Variants in AFF3 observed in about 807,000 individuals in gnomAD.
AFF3 encodes the protein ALF transcription elongation factor 3, also known as AF4/FMR2 family member 3.
AFF3 carries 32 observed loss-of-function variants against 129.7 expected under a neutral mutation model. The ratio of observed to expected loss-of-function variants is 0.25; its 90% CI spans 0.19 to 0.33. The LOEUF is 0.33. Among genes scored for constraint, AFF3 ranks in the 10% least tolerant of loss-of-function variants. The probability of loss-of-function intolerance (pLI) is 1.00; values close to 1 mark genes in which losing one functional copy is unlikely to be tolerated. For synonymous variants in AFF3, 644 were observed against 635.4 expected (o/e 1.01, Z -0.20); for missense variants, 1,373 against 1,592.0 (o/e 0.86, Z 2.34).
At chr2:99,688,323 A>C (rs1675273990) in intron 11 of AFF3, among the ~76,000 whole-genome samples, 1 of 152,322 alleles carries the variant, frequency 6.6e-6, no homozygotes, top group Admixed American at 6.5e-5. Context: ...GATGGACACA[A>C]ATCAAAGGCT....
chr2:99,872,594 AAAAATAAAATAAAATAAAAT>A (rs369133072), intron 7 of AFF3, among the ~76,000 whole-genome samples: 2 of 127,610 alleles, frequency 1.6e-5, no homozygotes, highest in African/African-American at 6.1e-5. Context: ...TGCTTCTTAC[AAAAATAAAATAAAATAAAAT>A]AAAATAAAAT....
At chr2:99,773,351 A>T (rs1683639550) in intron 8 of AFF3, among the ~76,000 whole-genome samples, 2 of 152,360 alleles carry the variant, frequency 1.3e-5, no homozygotes, top group Non-Finnish European at 2.9e-5. Context: ...AGGTAGGATA[A>T]GACAATGAGA....
chr2:99,593,454 T>C lies in AFF3; in HGVS notation c.2207A>G (p.Lys736Arg). ...TGTGTAGAACTGCTCCTCCAGCTCC[T>C]TGGCGATGTCACTGGTGGTCCTGGC... is the stretch of plus-strand genomic sequence containing the variant. Reference protein sequence around the residue: ...INARTTSDIAKELEEQFYTLV... With the variant: ...INARTTSDIARELEEQFYTLV... Residue 736 changes from lysine to arginine, a missense_variant, in exon 15 of 25, where the codon AAG becomes AGG. Transcript: ENST00000672756. The C allele has an allele frequency of 6.2e-7, 1 of 1,614,014 alleles. No homozygotes were observed. The highest frequency in any genetic ancestry group is 8.5e-7 in the Non-Finnish European group (1 of 1,180,016).
At chr2:99,906,184 C>T (rs1168200311) in intron 7 of AFF3, among the ~76,000 whole-genome samples, 2 of 152,208 alleles carry the variant, frequency 1.3e-5, no homozygotes, top group Non-Finnish European at 2.9e-5. Context: ...CAAACCATAA[C>T]TACCTTTGAC....
chr2:99,781,137 T>C (rs1223100047), intron 8 of AFF3, among the ~76,000 whole-genome samples: 1 of 152,132 alleles, frequency 6.6e-6, no homozygotes, highest in Non-Finnish European at 1.5e-5. Context: ...ACCAAACAGG[T>C]TCCTGCCTCA....
At chr2:99,926,902 C>T (rs1327347079) in intron 7 of AFF3, among the ~76,000 whole-genome samples, 2 of 151,924 alleles carry the variant, frequency 1.3e-5, no homozygotes, top group Non-Finnish European at 2.9e-5. Context: ...GGATTTTGCC[C>T]CCAAATGTAA....
intron 7 of AFF3, among the ~76,000 whole-genome samples, chr2:99,950,935 C>T (rs1459074423): frequency 6.6e-6 from 1 of 152,210 alleles, no homozygotes; most frequent in Non-Finnish European, 1.5e-5. Flanking sequence ...TGCCTGTGTG[C>T]ACACACATAC....
chr2:99,631,374 C>G (rs996008586), intron 13 of AFF3, among the ~76,000 whole-genome samples: 5 of 152,192 alleles, frequency 3.3e-5, no homozygotes, highest in Admixed American at 1.3e-4. Context: ...ACCATTTTAA[C>G]CAATTTTAAG....
rs556442126 is a variant in AFF3, at chr2:99,831,678, T to G, written c.921+5799A>C. Among the ~76,000 whole-genome samples, 6 of 152,322 alleles carry G rather than the reference T, an allele frequency of 3.9e-5. No homozygotes were observed. The South Asian group carries it at 1.0e-3, about 26-fold the overall frequency. ...TATGTGATTCACATTTAAGCCCTTA[T>G]TTTTTGAAAATGCTCACTAAAATAT... On this transcript the variant is annotated intron_variant, in intron 8 of 24. Coordinates refer to ENST00000672756, the MANE Select transcript of AFF3 (RefSeq NM_001386135.1).
intron 8 of AFF3, among the ~76,000 whole-genome samples, chr2:99,784,329 C>T (rs895561164): frequency 1.6e-4 from 25 of 152,180 alleles, no homozygotes; most frequent in Non-Finnish European, 3.4e-4. Flanking sequence ...TGGGTTGTTG[C>T]GGAGCATGTG....
At chr2:99,647,494 G>A (rs1186191675) in intron 13 of AFF3, among the ~76,000 whole-genome samples, 1 of 152,172 alleles carries the variant, frequency 6.6e-6, no homozygotes, top group Non-Finnish European at 1.5e-5. Context: ...TGAGGTGTCA[G>A]GGGAGGGATA....
In AFF3 at chr2:99,551,086, T is replaced by TA. The variant is rs1674368757; in HGVS notation, c.*387dup. On this transcript the variant is annotated 3_prime_UTR_variant, in exon 25 of 25. Transcript: ENST00000672756. ...CCCATGAGATTTTGGTTGAATTTTCTAAGAAGTCACGGTTTAGCACTGGAA... is the reference window on the plus strand; with the variant it reads ...CCCATGAGATTTTGGTTGAATTTTCTAAAGAAGTCACGGTTTAGCACTGGAA... The TA allele has an allele frequency of 2.4e-6, 1 of 420,440 alleles. No homozygotes were observed. The allele number at this position is 420,440 out of a possible 1,614,324, so 26.0% of individuals were successfully genotyped here. A position where few individuals can be genotyped will look rare whatever the true frequency, so the allele number is the denominator to read the frequency against.
chr2:99,994,074 G>A (rs1225268262), intron 7 of AFF3, among the ~76,000 whole-genome samples: 4 of 151,708 alleles, frequency 2.6e-5, no homozygotes, highest in East Asian at 1.9e-4. Flanking sequence ...CCAAAGTGCC[G>A]GGATTACAGG....
chr2:100,059,380 T>A (rs966033277), intron 4 of AFF3, among the ~76,000 whole-genome samples: 1 of 144,042 alleles, frequency 6.9e-6, no homozygotes, highest in Non-Finnish European at 1.5e-5. Flanking sequence ...GAAATGCAAA[T>A]CAAAACCACA....
At chr2:99,561,164 G>C (rs1675434191) in intron 20 of AFF3, among the ~76,000 whole-genome samples, 1 of 152,200 alleles carries the variant, frequency 6.6e-6, no homozygotes, top group African/African-American at 2.4e-5. Context: ...TTAGACAAAT[G>C]TATTAACATC....
At chr2:99,749,574 C>T (rs1681458855) in intron 9 of AFF3, among the ~76,000 whole-genome samples, 1 of 152,318 alleles carries the variant, frequency 6.6e-6, no homozygotes, top group African/African-American at 2.4e-5. Context: ...AAGCATTGTG[C>T]ATTTTATTCT....
At chr2:99,946,344 G>A (rs1675561120) in intron 7 of AFF3, among the ~76,000 whole-genome samples, 1 of 151,662 alleles carries the variant, frequency 6.6e-6, no homozygotes, top group Admixed American at 6.6e-5. Context: ...GGCATGGGTG[G>A]ACGCCTGTAA....
At chr2:99,997,320 G>T (rs1193907843) in intron 7 of AFF3, among the ~76,000 whole-genome samples, 1 of 152,140 alleles carries the variant, frequency 6.6e-6, no homozygotes, top group Non-Finnish European at 1.5e-5. Flanking sequence ...TCAGTTGATA[G>T]TAACTTCTTC....
At chr2:100,016,695 G>A (rs2104826981) in intron 4 of AFF3, among the ~76,000 whole-genome samples, 1 of 151,308 alleles carries the variant, frequency 6.6e-6, no homozygotes, top group South Asian at 2.1e-4. Flanking sequence ...GATGGTGGTG[G>A]TGGCGGTAGT....
Sources: allele counts gnomAD v4.1 joint callset (sites outside exome capture counted in the v4.1 genomes callset), GRCh38; gene constraint gnomAD v4.1.1; transcripts MANE v1.5; gene names NCBI Gene and HGNC (gene_info 2026-07-23, HGNC 2026-07-21).